EPAS1: variants seen among roughly 807,000 people sequenced by gnomAD.
EPAS1 encodes the protein endothelial PAS domain protein 1, also known as endothelial PAS domain-containing protein 1.
A neutral mutation model predicts 87.9 loss-of-function variants in EPAS1; 23 were observed. That is an observed-to-expected ratio of 0.26 (90% confidence interval 0.19 to 0.37). The LOEUF (loss-of-function observed/expected upper bound fraction) is 0.37, where lower values mean the gene tolerates loss of function less well. Ranked by LOEUF, EPAS1 falls within the 10% of genes least tolerant of loss-of-function variation. The pLI is 1.00. For missense variants in EPAS1, 1,138 were observed against 1,120.7 expected, an observed-to-expected ratio of 1.02 and a Z score of -0.22; for synonymous variants, 508 against 444.3, an observed-to-expected ratio of 1.14 and a Z score of -1.80.
chr2:46,381,786 G>A (rs950449910), intron 13 of EPAS1, 64 bp downstream of exon 13: 30 of 1,607,168 alleles, frequency 1.9e-5, no homozygotes, highest in African/African-American at 2.7e-5. Context: ...GGGCTGCTGA[G>A]AGGGGTGGGG....
chr2:46,368,595 G>C (rs578109633), intron 6 of EPAS1, among the ~76,000 whole-genome samples: 16 of 152,100 alleles, frequency 1.1e-4, no homozygotes, highest in African/African-American at 2.9e-4. Context: ...TGACCTGTTT[G>C]GGGGGTGGGT....
At chr2:46,309,192 T>C (rs143367812) in intron 1 of EPAS1, among the ~76,000 whole-genome samples, 10 of 152,348 alleles carry the variant, frequency 6.6e-5, no homozygotes, top group African/African-American at 2.4e-4. Flanking sequence ...ACCTAACTTA[T>C]CCTCATTGCT....
intron 2 of EPAS1, among the ~76,000 whole-genome samples, chr2:46,354,235 T>C (rs1437996580): frequency 6.6e-6 from 1 of 152,204 alleles, no homozygotes; most frequent in Non-Finnish European, 1.5e-5. Context: ...GGCCCATAAA[T>C]TGAATTGCAT....
intron 11 of EPAS1, chr2:46,379,677 G>A (rs1684841213): frequency 5.8e-6 from 1 of 172,822 alleles, no homozygotes; most frequent in Non-Finnish European, 1.3e-5. Flanking sequence ...CACCCTAAGG[G>A]ATGATCTGAG....
At chr2:46,373,438 A>G (rs1459995118) in intron 7 of EPAS1, among the ~76,000 whole-genome samples, 4 of 152,256 alleles carry the variant, frequency 2.6e-5, no homozygotes, top group South Asian at 2.1e-4. Context: ...ACGGAATACA[A>G]CTCACTGATG....
rs1307034662 is a variant in EPAS1, at chr2:46,356,896, A to G, written c.454+88A>G. 3 of 968,328 alleles carry G rather than the reference A, an allele frequency of 3.1e-6. No individual in the cohort carries two copies. The East Asian group carries it at 7.3e-5, about 24-fold the overall frequency. The allele number at this position is 968,328 out of a possible 1,614,324, so 60.0% of individuals were successfully genotyped here. A position where few individuals can be genotyped will look rare whatever the true frequency, so the allele number is the denominator to read the frequency against. ...TCTACGGGTATAAGGGAGATAGCTCATGGCCCTTGTGATGCAGGAAAAATG... is the reference window on the plus strand; with the variant it reads ...TCTACGGGTATAAGGGAGATAGCTCGTGGCCCTTGTGATGCAGGAAAAATG... On this transcript the variant is annotated intron_variant, in intron 4 of 15. Coordinates refer to ENST00000263734, the MANE Select transcript of EPAS1 (RefSeq NM_001430.5).
chr2:46,329,950 C>A (rs1683642220), intron 1 of EPAS1, among the ~76,000 whole-genome samples: 2 of 152,200 alleles, frequency 1.3e-5, no homozygotes. Flanking sequence ...TATTGCCTCA[C>A]AGCCAAGAAG....
intron 1 of EPAS1, among the ~76,000 whole-genome samples, chr2:46,327,973 G>A (rs536303140): frequency 4.6e-5 from 7 of 152,004 alleles, no homozygotes; most frequent in African/African-American, 1.4e-4. Context: ...ACCTACCTCC[G>A]GGGGGGCTAC....
chr2:46,333,753 G>A (rs776587970), intron 1 of EPAS1, among the ~76,000 whole-genome samples: 2 of 151,872 alleles, frequency 1.3e-5, no homozygotes, highest in African/African-American at 4.8e-5. Flanking sequence ...TTAAAATGGG[G>A]GAGCGACAAG....
intron 6 of EPAS1, among the ~76,000 whole-genome samples, chr2:46,361,774 GCTTAGGCATGTCATGCCATCTCGGGTT>G (rs1684392108): frequency 6.6e-6 from 1 of 152,208 alleles, no homozygotes; most frequent in Admixed American, 6.5e-5. Context: ...GCCTAAGACT[GCTTAGGCATGTCATGCCATCTCGGGTT>G]CTTAGCTCAT....
Position 46,347,028 on chromosome 2 carries a change from T to A in EPAS1, c.182T>A (p.Ile61Asn). 6.2e-7 allele frequency: 1 copy of A among 1,614,094 alleles called. No individual in the cohort carries two copies. Among genetic ancestry groups the A allele is most frequent in the South Asian group, 1.1e-5 (1 of 91,078 alleles). ...AAGGCCTCCATCATGCGACTGGCAA[T>A]CAGCTTCCTGCGAACACACAAGCTC... Reference protein sequence around the residue: ...LDKASIMRLAISFLRTHKLLS... With the variant: ...LDKASIMRLANSFLRTHKLLS... The change falls in exon 2 of 16, where the codon ATC becomes AAC. Residue 61 changes from isoleucine to asparagine, a missense_variant. Physicochemically the swap from Ile to Asn is moderately radical, Grantham distance 149. Coordinates refer to ENST00000263734, the MANE Select transcript of EPAS1 (RefSeq NM_001430.5). This position sits in a 1 kb window ranked among gnomAD's most constrained non-coding sequence, Gnocchi z 4.2.
At chr2:46,363,393 C>T (rs1684441656) in intron 6 of EPAS1, among the ~76,000 whole-genome samples, 1 of 152,196 alleles carries the variant, frequency 6.6e-6, no homozygotes, top group Non-Finnish European at 1.5e-5. Context: ...GGCATCCCTA[C>T]ATAATAGAAA....
Position 46,347,284 on chromosome 2 carries a change from G to T in EPAS1, c.217+221G>T. 1.6e-6 allele frequency: 1 copy of T among 616,102 alleles called. No homozygotes were observed. The highest frequency in any genetic ancestry group is 2.9e-6 in the Non-Finnish European group (1 of 348,260). 38.2% of individuals were successfully genotyped at this position (616,102 alleles called of 1,614,324 possible). On this transcript the variant is annotated intron_variant, in intron 2 of 15. Coordinates refer to ENST00000263734, the MANE Select transcript of EPAS1 (RefSeq NM_001430.5). The surrounding 1 kb of genome is among the most constrained non-coding windows in gnomAD (Gnocchi z 4.2). Reference sequence around the variant, plus strand: ...CAGCTGTGAGAGGAGGGCAGGGACAGGACCAGGGAAGAACATGGGCACCCA... The same window carrying T: ...CAGCTGTGAGAGGAGGGCAGGGACATGACCAGGGAAGAACATGGGCACCCA...
intron 1 of EPAS1, among the ~76,000 whole-genome samples, chr2:46,337,448 C>G (rs1016538205): frequency 2.0e-5 from 3 of 152,186 alleles, no homozygotes; most frequent in Admixed American, 6.5e-5. Flanking sequence ...CTAAGTCCCC[C>G]CTAGAGACTG....
intron 1 of EPAS1, among the ~76,000 whole-genome samples, chr2:46,301,303 C>T (rs938008294): frequency 6.6e-6 from 1 of 152,038 alleles, no homozygotes; most frequent in African/African-American, 2.4e-5. Flanking sequence ...GGGCTGGTCG[C>T]GGTGGCTCAT....
chr2:46,328,724 A>T (rs1401760895), intron 1 of EPAS1, among the ~76,000 whole-genome samples: 1 of 152,198 alleles, frequency 6.6e-6, no homozygotes, highest in Non-Finnish European at 1.5e-5. Flanking sequence ...AATCACTTAG[A>T]ACAGTGGGGA....
At chr2:46,340,337 C>G (rs546189466) in intron 1 of EPAS1, among the ~76,000 whole-genome samples, 130 of 152,320 alleles carry the variant, frequency 8.5e-4, no homozygotes, top group Admixed American at 1.5e-3. Context: ...AGGCCCTCTG[C>G]TCCAGGGACA....
rs1684979047 is a variant in EPAS1 at position 46,384,900 on chromosome 2, G to C, written c.*240G>C. ...TCTGAAATGTTCTTAAATTTTGTAG[G>C]ATTTTTTTCCTCCCCACCTTCAATG... On this transcript the variant is annotated 3_prime_UTR_variant, in exon 16 of 16. Coordinates refer to ENST00000263734, the MANE Select transcript of EPAS1 (RefSeq NM_001430.5). The C allele has an allele frequency of 1.8e-6, 1 of 563,802 alleles. No individual in the cohort carries two copies. The highest frequency in any genetic ancestry group is 2.1e-5 in the South Asian group (1 of 48,634). 34.9% of individuals were successfully genotyped at this position (563,802 alleles called of 1,614,324 possible).
chr2:46,300,449 A>G lies in EPAS1; in HGVS notation c.26+2512A>G, dbSNP rs1266322226. 2.0e-5 allele frequency among the ~76,000 whole-genome samples: 3 copies of G among 152,186 alleles called. No individual in the cohort carries two copies. The highest frequency in any genetic ancestry group is 7.2e-5 in the African/African-American group (3 of 41,444). ...TGTCCCAGAATGTTCACACGTCGAT[A>G]AATATGTTAATGTTTAATAATAAAG... On this transcript the variant is annotated intron_variant, in intron 1 of 15. Coordinates refer to ENST00000263734, the MANE Select transcript of EPAS1 (RefSeq NM_001430.5). This position sits in a 1 kb window ranked among gnomAD's most constrained non-coding sequence, Gnocchi z 4.1.
Sources: gnomAD v4.1 joint callset for allele counts (sites outside exome capture counted in the v4.1 genomes callset) on GRCh38, gnomAD v4.1.1 for gene constraint, Gnocchi (gnomAD v3.1) non-coding constraint, MANE v1.5 for transcripts, NCBI Gene and HGNC (gene_info 2026-07-23, HGNC 2026-07-21) for gene names.